The following SLC2A9 variants were observed in gnomAD, a reference collection of about 807,000 sequenced individuals.
SLC2A9 encodes the protein solute carrier family 2, facilitated glucose transporter member 9.
In SLC2A9, 39 loss-of-function variants were observed where a neutral mutation model predicts 50.6. The observed-to-expected ratio is 0.77, with a 90% confidence interval of 0.60 to 1.01. The LOEUF (loss-of-function observed/expected upper bound fraction) is 1.01, where lower values mean the gene tolerates loss of function less well. Ranked by LOEUF, SLC2A9 falls within the 50% of genes least tolerant of loss-of-function variation. SLC2A9 has a pLI of 0.00. For missense variants in SLC2A9, 686 were observed against 677.6 expected (o/e 1.01, Z -0.14); for synonymous variants, 324 against 276.9 (o/e 1.17, Z -1.69).
In SLC2A9 at chr4:9,909,502, T is replaced by G. The variant is rs536929118; in HGVS notation, c.1003-1157A>C. Among the ~76,000 whole-genome samples, 5 of 152,254 alleles carry G rather than the reference T, an allele frequency of 3.3e-5. No homozygotes were observed. In the South Asian group the frequency reaches 1.0e-3, roughly 32 times the overall value. ...CCCATGGCATCAGACAAGAACTGAT[T>G]AGGAGTTTGGAGACCTGGCTCCATC... On this transcript the variant is annotated intron_variant, in intron 7 of 11. Transcript: ENST00000264784.
intron 11 of SLC2A9, 37 bp from the exon 12 acceptor site, chr4:9,826,637 A>C (rs769962378): frequency 6.3e-7 from 1 of 1,590,666 alleles, no homozygotes; most frequent in Non-Finnish European, 8.6e-7. Context: ...TCAAATAGAT[A>C]ATCAGTAAAC....
rs1447625985 is a variant in SLC2A9, at chr4:9,890,712, C to G, written c.1114-1G>C. 6.2e-7 allele frequency: 1 copy of G among 1,613,330 alleles called. No individual in the cohort carries two copies. Among genetic ancestry groups the G allele is most frequent in the African/African-American group, 1.3e-5 (1 of 74,906 alleles). ...GTCCCAGGTGCTCAATGACCAAACCCTAGTCCAGGGTAAAAGAGAGAGAGA... is the reference window on the plus strand; with the variant it reads ...GTCCCAGGTGCTCAATGACCAAACCGTAGTCCAGGGTAAAAGAGAGAGAGA... On this transcript the variant is annotated splice_acceptor_variant, in intron 8 of 11. Coordinates refer to ENST00000264784, the MANE Select transcript of SLC2A9 (RefSeq NM_020041.3). LOFTEE classifies it high-confidence loss of function.
chr4:9,955,867 A>ATTTTTT lies in SLC2A9; in HGVS notation c.682-13828_682-13823dup, dbSNP rs1170286158. Among the ~76,000 whole-genome samples the ATTTTTT allele has an allele frequency of 3.2e-4, 20 of 61,692 alleles. 2 individuals are homozygous for ATTTTTT. Among genetic ancestry groups the ATTTTTT allele is most frequent in the African/African-American group, 9.0e-4 (13 of 14,400 alleles). The allele number at this position is 61,692 out of a possible 152,430, so 40.5% of individuals were successfully genotyped here. On this transcript the variant is annotated intron_variant, in intron 5 of 11. Coordinates refer to ENST00000264784, the MANE Select transcript of SLC2A9 (RefSeq NM_020041.3). ...TCTGAGGTAGGGCTCAAGCATCTGG[A>ATTTTTT]TTTTTTTTTTTTTTTTTTTTTTTTT...
intron 3 of SLC2A9, among the ~76,000 whole-genome samples, chr4:9,813,694 C>G (rs1723173729): frequency 6.6e-6 from 1 of 152,136 alleles, no homozygotes; most frequent in African/African-American, 2.4e-5. Context: ...ATAAATCCAT[C>G]AATAAAAGTG....
At position 9,954,002 on chromosome 4, in the gene SLC2A9, T is replaced by A. The variant is rs564844052; in HGVS notation, c.682-11957A>T. ...TTTTGTATTTTTGGTAGAGACAGGGTTTCTCCTTGTTGGTCAGGCTGGTCT... is the reference window on the plus strand; with the variant it reads ...TTTTGTATTTTTGGTAGAGACAGGGATTCTCCTTGTTGGTCAGGCTGGTCT... On this transcript the variant is annotated intron_variant, in intron 5 of 11. Coordinates refer to ENST00000264784, the MANE Select transcript of SLC2A9 (RefSeq NM_020041.3). 2.0e-5 allele frequency among the ~76,000 whole-genome samples: 3 copies of A among 151,842 alleles called. No individual in the cohort carries two copies. In the South Asian group the frequency reaches 6.3e-4, roughly 32 times the overall value.
At chr4:9,900,727 C>T (rs1363451013) in intron 8 of SLC2A9, among the ~76,000 whole-genome samples, 1 of 152,132 alleles carries the variant, frequency 6.6e-6, no homozygotes, top group Non-Finnish European at 1.5e-5. Context: ...GGGGAGGCCT[C>T]AGGAAACTTA....
intron 3 of SLC2A9, chr4:9,783,324 G>A: frequency 6.2e-7 from 1 of 1,614,220 alleles, no homozygotes; most frequent in Non-Finnish European, 8.5e-7. Context: ...GAGGAGGAGG[G>A]TCCTTTCGAT....
At chr4:9,917,681 G>A (rs1366040407) in intron 7 of SLC2A9, among the ~76,000 whole-genome samples, 1 of 152,136 alleles carries the variant, frequency 6.6e-6, no homozygotes, top group Non-Finnish European at 1.5e-5. Flanking sequence ...CAGCTCCTTA[G>A]CATAAATATA....
At chr4:9,835,403 T>C (rs1056461470) in intron 10 of SLC2A9, among the ~76,000 whole-genome samples, 2 of 152,058 alleles carry the variant, frequency 1.3e-5, no homozygotes, top group Admixed American at 6.5e-5. Flanking sequence ...GCATGACTGC[T>C]GGGATCCCAC....
chr4:9,943,445 C>T (rs965648910), intron 5 of SLC2A9, among the ~76,000 whole-genome samples: 8 of 152,278 alleles, frequency 5.3e-5, no homozygotes, highest in African/African-American at 1.4e-4. Context: ...GAGGAGCTCT[C>T]GCTAGAAGGC....
chr4:9,787,578 A>T (rs1719384920), intron 3 of SLC2A9, among the ~76,000 whole-genome samples: 1 of 152,204 alleles, frequency 6.6e-6, no homozygotes, highest in Admixed American at 6.5e-5. Context: ...CTCTCATCTC[A>T]TCTACAGACT....
At chr4:9,782,737 C>T in intron 3 of SLC2A9, 2 of 1,613,970 alleles carry the variant, frequency 1.2e-6, no homozygotes, top group East Asian at 2.2e-5. Context: ...GCTTCTACAT[C>T]CCCGTTGCCA....
At chr4:9,873,457 T>G (rs1338660227) in intron 10 of SLC2A9, among the ~76,000 whole-genome samples, 4 of 152,206 alleles carry the variant, frequency 2.6e-5, no homozygotes, top group African/African-American at 9.6e-5. Context: ...TGGGCGGGCT[T>G]TGTGACTTGC....
intron 10 of SLC2A9, among the ~76,000 whole-genome samples, chr4:9,873,018 G>A (rs1463862224): frequency 6.6e-6 from 1 of 152,212 alleles, no homozygotes; most frequent in Non-Finnish European, 1.5e-5. Flanking sequence ...AATATGTTGA[G>A]ACTGCTGGAA....
intron 3 of SLC2A9, among the ~76,000 whole-genome samples, chr4:9,787,128 C>A (rs183699996): frequency 5.4e-4 from 83 of 152,318 alleles, no homozygotes; most frequent in Admixed American, 1.7e-3. Context: ...GAGCAATGGG[C>A]ACATGAACCA....
chr4:9,972,385 AT>A (rs1248720736), intron 5 of SLC2A9, among the ~76,000 whole-genome samples: 2 of 151,840 alleles, frequency 1.3e-5, no homozygotes, highest in Non-Finnish European at 2.9e-5. Context: ...TTTAAAAAAA[AT>A]ATATCATTTG....
At chr4:9,856,800 C>A (rs1323741239) in intron 10 of SLC2A9, among the ~76,000 whole-genome samples, 1 of 152,110 alleles carries the variant, frequency 6.6e-6, no homozygotes, top group Non-Finnish European at 1.5e-5. Context: ...AGAAAAAGAT[C>A]ACGTCTTTTG....
intron 2 of SLC2A9, among the ~76,000 whole-genome samples, chr4:10,002,994 G>C (rs1201094172): frequency 6.6e-6 from 1 of 152,238 alleles, no homozygotes; most frequent in Admixed American, 6.5e-5. Context: ...TGATTGCTAA[G>C]CGCAAGGATT....
Position 9,772,607 on chromosome 4 carries a change from C to G in SLC2A9, n.182-1238G>C, listed in dbSNP as rs546974191. 2.6e-5 allele frequency among the ~76,000 whole-genome samples: 4 copies of G among 152,306 alleles called. No individual in the cohort carries two copies. In the East Asian group the frequency reaches 7.7e-4, roughly 29 times the overall value. The stretch of plus-strand genomic sequence containing the variant: ...CACAGAAGCAAACAGAGCCTGGCCC[C>G]CAGTCTGAGGCAAGGCTTCCCAGCT... On this transcript the variant is annotated intron_variant and non_coding_transcript_variant, in intron 1 of 1. Transcript: ENST00000508585.
Sources: allele counts gnomAD v4.1 joint callset (sites outside exome capture counted in the v4.1 genomes callset), GRCh38; gene constraint gnomAD v4.1.1; transcripts MANE v1.5; gene names NCBI Gene and HGNC (gene_info 2026-07-23, HGNC 2026-07-21).